Variants in LVRN observed in about 807,000 individuals in gnomAD.
LVRN encodes laeverin.
A neutral mutation model predicts 111.4 loss-of-function variants in LVRN; 99 were observed. That is an observed-to-expected ratio of 0.89 (90% CI 0.76 to 1.05). LVRN has a LOEUF of 1.05. Ranked by LOEUF, LVRN falls within the 50% of genes least tolerant of loss-of-function variation. The pLI is 0.00. For synonymous variants in LVRN, 488 were observed against 449.5 expected, an observed-to-expected ratio of 1.09 and a Z score of -1.08; for missense variants, 1,414 against 1,206.8, an observed-to-expected ratio of 1.17 and a Z score of -2.54.
intron 1 of LVRN, among the ~76,000 whole-genome samples, chr5:115,977,255 C>G (rs1233844151): frequency 1.3e-5 from 2 of 152,160 alleles, no homozygotes; most frequent in Non-Finnish European, 2.9e-5. Flanking sequence ...GTCTAGGTGT[C>G]CCTGAACTCT....
chr5:116,001,086 C>T lies in LVRN; in HGVS notation c.1667C>T (p.Thr556Ile). 6.2e-7 allele frequency: 1 copy of T among 1,610,100 alleles called. No homozygotes were observed. The highest frequency in any genetic ancestry group is 8.5e-7 in the Non-Finnish European group (1 of 1,178,980). ...AAACAGGCCATAGATGACCAGAGTA[C>T]AGTTATTTTGCCAGCAACAATAAAA... ...HFQMAIDDQS[T>I]VILPATIKNI... Residue 556 changes from threonine to isoleucine, a missense_variant, in exon 10 of 20, where the codon ACA becomes ATA. Coordinates refer to ENST00000357872, the MANE Select transcript of LVRN (RefSeq NM_173800.5).
intron 1 of LVRN, among the ~76,000 whole-genome samples, chr5:115,967,162 A>G (rs1429317622): frequency 6.6e-6 from 1 of 152,158 alleles, no homozygotes; most frequent in Non-Finnish European, 1.5e-5. Flanking sequence ...TTTAATTTTG[A>G]TGAAGTCCAA....
In LVRN at chr5:115,983,858, C is replaced by T. The variant is rs1747778789; in HGVS notation, c.838+429C>T. 2.0e-5 allele frequency among the ~76,000 whole-genome samples: 3 copies of T among 152,164 alleles called. No homozygotes were observed. The South Asian group carries it at 6.2e-4, about 32-fold the overall frequency. ...ATTTAAATGTGAAAACTTAGAAGTT[C>T]TAACAACACTGGACCTACAGCTCTT... is the stretch of plus-strand genomic sequence containing the variant. On this transcript the variant is annotated intron_variant, in intron 2 of 19. Coordinates refer to ENST00000357872, the MANE Select transcript of LVRN (RefSeq NM_173800.5).
At chr5:116,016,468 A>G (rs1035550879) in intron 18 of LVRN, among the ~76,000 whole-genome samples, 1 of 152,218 alleles carries the variant, frequency 6.6e-6, no homozygotes, top group African/African-American at 2.4e-5. Context: ...TTTATACTGA[A>G]TTTGCTAAAA....
At chr5:115,989,103 C>G (rs925357386) in intron 4 of LVRN, among the ~76,000 whole-genome samples, 5 of 152,122 alleles carry the variant, frequency 3.3e-5, no homozygotes, top group African/African-American at 1.2e-4. Flanking sequence ...CTCCACATTC[C>G]CTCCAAGCCA....
chr5:115,987,692 A>T (rs1747897215), intron 3 of LVRN, 121 bp from the exon 4 acceptor site: 4 of 1,200,348 alleles, frequency 3.3e-6, no homozygotes, highest in Non-Finnish European at 4.6e-6. Context: ...GCATTTTATT[A>T]TGCAGCTTCT....
At chr5:115,984,471 G>T in intron 2 of LVRN, 99 bp from the exon 3 acceptor site, 1 of 1,398,170 alleles carries the variant, frequency 7.2e-7, no homozygotes, top group Non-Finnish European at 9.8e-7. Context: ...AGGAATAGCT[G>T]GAAAGGAGTA....
At position 116,012,231 on chromosome 5, in the gene LVRN, A is replaced by G. The variant is rs184240381; in HGVS notation, c.2248-143A>G. The G allele has an allele frequency of 2.7e-3, 1,519 of 565,968 alleles. 5 individuals carry two copies. Among genetic ancestry groups the G allele is most frequent in the Admixed American group, 8.3e-3 (226 of 27,220 alleles). The allele number at this position is 565,968 out of a possible 1,614,324, so 35.1% of individuals were successfully genotyped here. A position where few individuals can be genotyped will look rare whatever the true frequency, so the allele number is the denominator to read the frequency against. On this transcript the variant is annotated intron_variant, in intron 14 of 19. Transcript: ENST00000357872. Reference sequence around the variant, plus strand: ...AGGTTAAAAAATAAACCAGTTATATATTTAGTAACAGATAAAGGTAATTTC... The same window carrying G: ...AGGTTAAAAAATAAACCAGTTATATGTTTAGTAACAGATAAAGGTAATTTC...
chr5:116,014,571 G>A, intron 16 of LVRN, 44 bp downstream of exon 16: 1 of 1,509,540 alleles, frequency 6.6e-7, no homozygotes, highest in Non-Finnish European at 9.2e-7. Flanking sequence ...TCCTATTTTA[G>A]CACCAGCAAT....
chr5:115,963,299 C>G lies in LVRN; in HGVS notation c.682C>G (p.Gln228Glu). The change falls in exon 1 of 20, where the codon CAG becomes GAG. Residue 228 changes from glutamine (Q) to glutamate (E), a missense_variant. Gln to Glu is a conservative substitution (Grantham distance 29). Transcript: ENST00000357872. ...ACTCTTCCTCAACGTCTACACCGAC[C>G]AGGGCGAGCGCAGGTAAGGGCTGTA... Reference protein sequence around the residue: ...EGLFLNVYTDQGERRALLASQ... With the variant: ...EGLFLNVYTDEGERRALLASQ... The G allele has an allele frequency of 6.2e-7, 1 of 1,609,082 alleles. No homozygotes were observed. Among genetic ancestry groups the G allele is most frequent in the Non-Finnish European group, 8.5e-7 (1 of 1,178,140 alleles).
chr5:115,967,348 G>A (rs1449180046), intron 1 of LVRN, among the ~76,000 whole-genome samples: 2 of 152,088 alleles, frequency 1.3e-5, no homozygotes, highest in African/African-American at 4.8e-5. Context: ...TAATTCTTTT[G>A]CCTATGGATA....
At position 116,005,931 on chromosome 5, in the gene LVRN, G is replaced by A. The variant is rs773054609; in HGVS notation, c.2057G>A (p.Arg686Lys). ...KDPKAIPVIH[R>K]LQLIDDAFSL... ...CTGCAGGCGATTCCTGTTATTCACA[G>A]ACTGCAGTTGATTGATGATGCCTTT... is the stretch of plus-strand genomic sequence containing the variant. Residue 686 changes from arginine to lysine, a missense_variant, in exon 13 of 20, where the codon AGA becomes AAA. Physicochemically the swap from Arg to Lys is conservative, Grantham distance 26 (BLOSUM62 2). Coordinates refer to ENST00000357872, the MANE Select transcript of LVRN (RefSeq NM_173800.5). 13 of 1,598,202 alleles carry A rather than the reference G, an allele frequency of 8.1e-6. No homozygotes were observed. Among genetic ancestry groups the A allele is most frequent in the Non-Finnish European group, 2.6e-6 (3 of 1,165,686 alleles).
chr5:116,022,479 A>C lies in LVRN; in HGVS notation c.2832+13A>C. The C allele has an allele frequency of 3.4e-6, 5 of 1,486,910 alleles. No individual in the cohort carries two copies. The highest frequency in any genetic ancestry group is 4.6e-6 in the Non-Finnish European group (5 of 1,088,168). The allele number at this position is 1,486,910 out of a possible 1,614,324, so 92.1% of individuals were successfully genotyped here. A position where few individuals can be genotyped will look rare whatever the true frequency, so the allele number is the denominator to read the frequency against. On this transcript the variant is annotated intron_variant, in intron 19 of 19. Transcript: ENST00000357872. ...ACAGATTGTGGAGGTAAGTACTTTA[A>C]ATATTATGAAATACAATGATAATTT... is the stretch of plus-strand genomic sequence containing the variant.
intron 6 of LVRN, among the ~76,000 whole-genome samples, chr5:115,995,970 G>GTC (rs1446567305): frequency 7.8e-6 from 1 of 128,324 alleles, no homozygotes; most frequent in Non-Finnish European, 1.7e-5. Context: ...GTGTGTGTGT[G>GTC]TGTCTTTATC....
chr5:115,993,373 A>G (rs140755806), intron 5 of LVRN, among the ~76,000 whole-genome samples: 22 of 152,362 alleles, frequency 1.4e-4, no homozygotes, highest in African/African-American at 5.3e-4. Flanking sequence ...ATAAGGTGCT[A>G]GAATTAGTAG....
At chr5:115,986,383 G>A (rs371077092) in intron 3 of LVRN, among the ~76,000 whole-genome samples, 2 of 152,136 alleles carry the variant, frequency 1.3e-5, no homozygotes, top group African/African-American at 4.8e-5. Flanking sequence ...GCCTTGCTGT[G>A]GTCAGTGCTG....
chr5:115,974,936 C>T (rs1753408536), intron 1 of LVRN: 1 of 463,150 alleles, frequency 2.2e-6, no homozygotes. Flanking sequence ...TATTAGGTCA[C>T]TTGATAAATG....
chr5:116,007,215 A>G (rs569115669), intron 13 of LVRN, among the ~76,000 whole-genome samples: 1 of 152,190 alleles, frequency 6.6e-6, no homozygotes, highest in Non-Finnish European at 1.5e-5. Flanking sequence ...CAATTTCATT[A>G]TGCTATTCCA....
At chr5:115,965,236 G>A (rs1261494250) in intron 1 of LVRN, among the ~76,000 whole-genome samples, 1 of 152,178 alleles carries the variant, frequency 6.6e-6, no homozygotes, top group Non-Finnish European at 1.5e-5. Context: ...AACCTGCCAA[G>A]TTCCTGGTAT....
Sources: gnomAD v4.1 joint callset for allele counts (sites outside exome capture counted in the v4.1 genomes callset) on GRCh38, gnomAD v4.1.1 for gene constraint, MANE v1.5 for transcripts, NCBI Gene and HGNC (gene_info 2026-07-23, HGNC 2026-07-21) for gene names.